EAF2: variants seen among roughly 807,000 people sequenced by gnomAD.
EAF2 encodes the protein ELL-associated factor 2.
EAF2 carries 29 observed loss-of-function variants against 29.4 expected under a neutral mutation model. The observed-to-expected ratio is 0.99, with a 90% CI of 0.73 to 1.35. The LOEUF (loss-of-function observed/expected upper bound fraction) is 1.35. Among genes scored for constraint, EAF2 ranks in the 40% most tolerant of loss-of-function variants. The pLI is 0.00. For synonymous variants in EAF2, 103 were observed against 102.5 expected (o/e 1.00, Z -0.03); for missense variants, 292 against 312.0 (o/e 0.94, Z 0.48).
chr3:121,844,245 T>G (rs1381523128), intron 1 of EAF2, among the ~76,000 whole-genome samples: 1 of 152,104 alleles, frequency 6.6e-6, no homozygotes, highest in African/African-American at 2.4e-5. Context: ...TGTTTTAGAG[T>G]ATAGCTATTT....
At chr3:121,838,656 C>T (rs1257079803) in intron 1 of EAF2, among the ~76,000 whole-genome samples, 1 of 152,166 alleles carries the variant, frequency 6.6e-6, no homozygotes, top group Non-Finnish European at 1.5e-5. Context: ...TTGTCTCTTG[C>T]AGATAATCTC....
chr3:121,854,931 T>C, intron 3 of EAF2, 108 bp downstream of exon 3: 1 of 1,096,324 alleles, frequency 9.1e-7, no homozygotes, highest in Non-Finnish European at 1.2e-6. Context: ...TTCTGTGTGG[T>C]ACAAAAATGT....
chr3:121,855,319 C>T (rs769557101), intron 3 of EAF2, among the ~76,000 whole-genome samples: 19 of 152,108 alleles, frequency 1.2e-4, no homozygotes, highest in Non-Finnish European at 2.6e-4. Context: ...TAACACATTA[C>T]TTACCCTGTA....
intron 5 of EAF2, 29 bp from the exon 6 acceptor site, chr3:121,886,313 A>G: frequency 7.2e-7 from 1 of 1,395,820 alleles, no homozygotes; most frequent in Non-Finnish European, 9.6e-7. Flanking sequence ...TTTAATTACT[A>G]CAGTTTTGTT....
chr3:121,868,858 A>G (rs1708966823), intron 4 of EAF2, among the ~76,000 whole-genome samples: 1 of 152,210 alleles, frequency 6.6e-6, no homozygotes, highest in African/African-American at 2.4e-5. Context: ...GAGTAACACA[A>G]TCAACCCACA....
At chr3:121,883,916 G>C (rs1303351430) in intron 5 of EAF2, among the ~76,000 whole-genome samples, 1 of 152,140 alleles carries the variant, frequency 6.6e-6, no homozygotes, top group Non-Finnish European at 1.5e-5. Flanking sequence ...ACAGCATAAA[G>C]TCTAGAAAGG....
intron 5 of EAF2, among the ~76,000 whole-genome samples, chr3:121,882,541 C>T (rs1056012879): frequency 2.0e-5 from 3 of 151,778 alleles, no homozygotes; most frequent in African/African-American, 7.3e-5. Context: ...CTGTTGAGCA[C>T]TCTATTGAAT....
rs1167466790 is a variant in EAF2, at chr3:121,840,515, A to AAAAAAAAAAAAAAAAAAC, written c.107-3932_107-3931insAAAAAAAAAAACAAAAAA. Among the ~76,000 whole-genome samples the AAAAAAAAAAAAAAAAAAC allele has an allele frequency of 2.1e-3, 203 of 97,906 alleles. 24 individuals are homozygous for AAAAAAAAAAAAAAAAAAC. Among genetic ancestry groups the AAAAAAAAAAAAAAAAAAC allele is most frequent in the South Asian group, 3.1e-3 (9 of 2,860 alleles). The allele number at this position is 97,906 out of a possible 152,430, so 64.2% of individuals were successfully genotyped here. A position where few individuals can be genotyped will look rare whatever the true frequency, so the allele number is the denominator to read the frequency against. On this transcript the variant is annotated intron_variant, in intron 1 of 5. Transcript: ENST00000273668. ...AAAAAAAAAAAAAAAAAAAGAAAAAAAAAAAACGGGCCGGGTGCGGTGGCT... is the reference window on the plus strand; with the variant it reads ...AAAAAAAAAAAAAAAAAAAGAAAAAAAAAAAAAAAAAAAAAAACAAAAAACGGGCCGGGTGCGGTGGCT...
At chr3:121,870,065 C>CA (rs375512245) in intron 4 of EAF2, among the ~76,000 whole-genome samples, 2 of 152,020 alleles carry the variant, frequency 1.3e-5, no homozygotes, top group African/African-American at 4.8e-5. Flanking sequence ...GCACCCACCC[C>CA]AAAAATAGCC....
Position 121,840,413 on chromosome 3 carries a change from C to A in EAF2, c.107-4040C>A, listed in dbSNP as rs552838073. Among the ~76,000 whole-genome samples, 510 of 145,372 alleles carry A rather than the reference C, an allele frequency of 3.5e-3. 4 individuals are homozygous for A. Among genetic ancestry groups the A allele is most frequent in the African/African-American group, 0.013 (489 of 39,062 alleles). On this transcript the variant is annotated intron_variant, in intron 1 of 5. Coordinates refer to ENST00000273668, the MANE Select transcript of EAF2 (RefSeq NM_018456.6). ...GGCTGAGGCAGGAGAATCGCTTGAA[C>A]CAGGGAGGCGGAGATTGTAGTGGGC... is the stretch of plus-strand genomic sequence containing the variant.
intron 4 of EAF2, among the ~76,000 whole-genome samples, chr3:121,864,931 T>A (rs1708897636): frequency 6.6e-6 from 1 of 152,204 alleles, no homozygotes; most frequent in Non-Finnish European, 1.5e-5. Context: ...AGAATCAGAC[T>A]TTTTCCTGTT....
chr3:121,845,360 C>G (rs549030920), intron 2 of EAF2, among the ~76,000 whole-genome samples: 1 of 142,610 alleles, frequency 7.0e-6, no homozygotes, highest in South Asian at 2.2e-4. Flanking sequence ...ATCGCTGGAA[C>G]CTGAGAGGCA....
chr3:121,861,427 C>A (rs1708828051), intron 4 of EAF2, among the ~76,000 whole-genome samples: 1 of 152,062 alleles, frequency 6.6e-6, no homozygotes, highest in African/African-American at 2.4e-5. Flanking sequence ...TATGTAATGG[C>A]CTTCCTTGTC....
rs144729863 is a variant in EAF2 at position 121,882,529 on chromosome 3, T to C, written c.737-3813T>C. On this transcript the variant is annotated intron_variant, in intron 5 of 5. Transcript: ENST00000273668. The stretch of plus-strand genomic sequence containing the variant: ...ACAAGACAAAGAGGACTAATGTTAT[T>C]TCTGTTGAGCACTCTATTGAATTTG... Among the ~76,000 whole-genome samples the C allele has an allele frequency of 6.2e-3, 946 of 152,170 alleles. 3 individuals carry two copies. Among genetic ancestry groups the C allele is most frequent in the Non-Finnish European group, 9.5e-3 (646 of 67,986 alleles).
At chr3:121,856,949 A>G (rs1708729076) in intron 3 of EAF2, 62 bp from the exon 4 acceptor site, 1 of 1,453,560 alleles carries the variant, frequency 6.9e-7, no homozygotes. Flanking sequence ...GTAACTTTGT[A>G]AGTTAAATTT....
At chr3:121,836,554 T>C (rs748556645) in intron 1 of EAF2, 11 of 829,548 alleles carry the variant, frequency 1.3e-5, no homozygotes, top group Non-Finnish European at 1.6e-5. Flanking sequence ...AACATCCAAT[T>C]GGTAGAATAA....
chr3:121,850,542 CT>C (rs1383713667), intron 2 of EAF2, among the ~76,000 whole-genome samples: 1 of 152,018 alleles, frequency 6.6e-6, no homozygotes, highest in African/African-American at 2.4e-5. Context: ...AATAATAAGA[CT>C]TTTTTTCTCC....
chr3:121,882,067 G>A (rs903354731), intron 5 of EAF2, among the ~76,000 whole-genome samples: 1 of 152,092 alleles, frequency 6.6e-6, no homozygotes, highest in Non-Finnish European at 1.5e-5. Flanking sequence ...ATGTACTTGA[G>A]GCTGGGCATG....
At chr3:121,845,440 C>CAAAAAAAAAAAAAAAA (rs747436052) in intron 2 of EAF2, among the ~76,000 whole-genome samples, 2 of 59,966 alleles carry the variant, frequency 3.3e-5, no homozygotes, top group Non-Finnish European at 6.1e-5. Context: ...TCCTACATCT[C>CAAAAAAAAAAAAAAAA]AAAAAAAAAA....
Sources: allele counts gnomAD v4.1 joint callset (sites outside exome capture counted in the v4.1 genomes callset), GRCh38; gene constraint gnomAD v4.1.1; transcripts MANE v1.5; gene names NCBI Gene and HGNC (gene_info 2026-07-23, HGNC 2026-07-21).